Variants in GPC5 observed in about 807,000 individuals in gnomAD.
GPC5 encodes glypican 5, also known as glypican-5.
In GPC5, 47 loss-of-function variants were observed where a neutral mutation model predicts 53.9. The ratio of observed to expected loss-of-function variants is 0.87; its 90% confidence interval spans 0.69 to 1.11. The LOEUF (loss-of-function observed/expected upper bound fraction) is 1.11, where lower values mean the gene tolerates loss of function less well. Among genes scored for constraint, GPC5 ranks in the 50% most tolerant of loss-of-function variants. The probability of loss-of-function intolerance (pLI) is 0.00; values close to 1 mark genes in which losing one functional copy is unlikely to be tolerated. For missense variants in GPC5, 748 were observed against 713.1 expected, an observed-to-expected ratio of 1.05 and a Z score of -0.56; for synonymous variants, 286 against 263.3, an observed-to-expected ratio of 1.09 and a Z score of -0.84.
chr13:92,841,289 C>T (rs553718420), intron 7 of GPC5, among the ~76,000 whole-genome samples: 76 of 152,006 alleles, frequency 5.0e-4, no homozygotes, highest in Non-Finnish European at 1.1e-3. Context: ...GCCAGTAGAC[C>T]TAGTTTTAAA....
intron 2 of GPC5, among the ~76,000 whole-genome samples, chr13:91,623,227 G>C (rs1295589596): frequency 6.6e-6 from 1 of 152,132 alleles, no homozygotes; most frequent in African/African-American, 2.4e-5. Flanking sequence ...ATAATCTAGA[G>C]CTAAATGTAC....
intron 7 of GPC5, among the ~76,000 whole-genome samples, chr13:92,677,890 C>A (rs776840409): frequency 2.0e-5 from 3 of 151,988 alleles, no homozygotes; most frequent in Non-Finnish European, 2.9e-5. Context: ...TCGGTGGGTC[C>A]CATAGGGTTG....
chr13:92,095,874 C>A (rs909832279), intron 6 of GPC5, among the ~76,000 whole-genome samples: 1 of 152,174 alleles, frequency 6.6e-6, no homozygotes, highest in Non-Finnish European at 1.5e-5. Flanking sequence ...AATTGGTATT[C>A]ACAGAACTCT....
rs375619354 is a variant in GPC5 at position 92,449,470 on chromosome 13, A to G, written c.1561+304481A>G. On this transcript the variant is annotated intron_variant, in intron 7 of 7. Coordinates refer to ENST00000377067, the MANE Select transcript of GPC5 (RefSeq NM_004466.6). ...TATTATCTATACTTTATGTTTAAAT[A>G]TGAGTGTTTATTAATGTAAATCAAA... 1.1e-4 allele frequency among the ~76,000 whole-genome samples: 17 copies of G among 152,282 alleles called. No individual in the cohort carries two copies. The East Asian group carries it at 3.3e-3, about 29-fold the overall frequency.
chr13:91,867,940 G>A (rs1471841230), intron 5 of GPC5, among the ~76,000 whole-genome samples: 4 of 151,934 alleles, frequency 2.6e-5, no homozygotes, highest in Admixed American at 6.6e-5. Flanking sequence ...AAGGGGACAT[G>A]GCTAAATTTC....
In GPC5 at chr13:91,573,348, G is replaced by A. The variant is rs1168540463; in HGVS notation, c.326-119839G>A. On this transcript the variant is annotated intron_variant, in intron 2 of 7. Transcript: ENST00000377067. ...TTTTAAGTGTTTTAGTATGGCATACGCATACATGCAACTTGCTGAGAATCG... is the reference window on the plus strand; with the variant it reads ...TTTTAAGTGTTTTAGTATGGCATACACATACATGCAACTTGCTGAGAATCG... Among the ~76,000 whole-genome samples, 5 of 152,104 alleles carry A rather than the reference G, an allele frequency of 3.3e-5. 1 individual carries two copies. The highest frequency in any genetic ancestry group is 2.1e-4 in the South Asian group (1 of 4,820).
intron 2 of GPC5, among the ~76,000 whole-genome samples, chr13:91,564,856 G>A (rs2031453786): frequency 1.3e-5 from 2 of 151,842 alleles, no homozygotes; most frequent in African/African-American, 4.8e-5. Flanking sequence ...ATACTGTATA[G>A]TAACACAAAC....
At chr13:91,817,130 T>C (rs1342676344) in intron 5 of GPC5, among the ~76,000 whole-genome samples, 2 of 152,220 alleles carry the variant, frequency 1.3e-5, no homozygotes, top group African/African-American at 4.8e-5. Context: ...ATCACATACC[T>C]AGTCCATTTT....
chr13:91,817,929 C>A (rs1330817107), intron 5 of GPC5, among the ~76,000 whole-genome samples: 7 of 151,846 alleles, frequency 4.6e-5, no homozygotes, highest in African/African-American at 1.7e-4. Flanking sequence ...TTAAAAACAA[C>A]TATAATTGGA....
chr13:92,238,003 C>T (rs2042582695), intron 7 of GPC5, among the ~76,000 whole-genome samples: 1 of 151,936 alleles, frequency 6.6e-6, no homozygotes, highest in African/African-American at 2.4e-5. Context: ...CGTACATTCT[C>T]ATTTTTATGG....
At chr13:92,814,574 T>G (rs1877401636) in intron 7 of GPC5, among the ~76,000 whole-genome samples, 1 of 150,810 alleles carries the variant, frequency 6.6e-6, no homozygotes. Flanking sequence ...GGCAGGAAAA[T>G]CACTTTAACC....
chr13:92,428,866 TG>T (rs781492961), intron 7 of GPC5, among the ~76,000 whole-genome samples: 2 of 152,068 alleles, frequency 1.3e-5, no homozygotes, highest in Non-Finnish European at 2.9e-5. Context: ...TGGAGAAGTC[TG>T]GCAAATCTCT....
chr13:92,850,507 G>A (rs542075425), intron 7 of GPC5, among the ~76,000 whole-genome samples: 86 of 152,272 alleles, frequency 5.6e-4, no homozygotes, highest in African/African-American at 2.0e-3. Context: ...GCTGAGACAG[G>A]AGAATCGCTG....
At chr13:91,731,676 C>T (rs2036701491) in intron 4 of GPC5, among the ~76,000 whole-genome samples, 1 of 152,092 alleles carries the variant, frequency 6.6e-6, no homozygotes, top group African/African-American at 2.4e-5. Context: ...CATGCTCTCC[C>T]TCTCCTTGCT....
chr13:92,780,091 A>G (rs1875964034), intron 7 of GPC5, among the ~76,000 whole-genome samples: 2 of 152,078 alleles, frequency 1.3e-5, no homozygotes, highest in African/African-American at 4.8e-5. Context: ...GTGGACCATA[A>G]TATTCCAGTC....
chr13:91,639,970 C>G (rs186703458), intron 2 of GPC5, among the ~76,000 whole-genome samples: 39 of 151,908 alleles, frequency 2.6e-4, no homozygotes, highest in African/African-American at 8.9e-4. Flanking sequence ...GTTTTATTCA[C>G]TATGTCAAGT....
chr13:91,591,691 A>G (rs1285445788), intron 2 of GPC5, among the ~76,000 whole-genome samples: 1 of 152,092 alleles, frequency 6.6e-6, no homozygotes, highest in Non-Finnish European at 1.5e-5. Context: ...CTCATTTTTC[A>G]AGCTCTGAGA....
At chr13:92,062,320 T>C (rs1046926639) in intron 6 of GPC5, among the ~76,000 whole-genome samples, 1 of 152,002 alleles carries the variant, frequency 6.6e-6, no homozygotes, top group Non-Finnish European at 1.5e-5. Context: ...TAAGAAATAC[T>C]GTTCTTACAT....
At chr13:92,024,245 TTTTC>T (rs2040783061) in intron 6 of GPC5, among the ~76,000 whole-genome samples, 1 of 152,130 alleles carries the variant, frequency 6.6e-6, no homozygotes, top group African/African-American at 2.4e-5. Flanking sequence ...TGTAGGAAAC[TTTTC>T]TTTTTGTTTT....
Sources: allele counts gnomAD v4.1 joint callset (sites outside exome capture counted in the v4.1 genomes callset), GRCh38; gene constraint gnomAD v4.1.1; transcripts MANE v1.5; gene names NCBI Gene and HGNC (gene_info 2026-07-23, HGNC 2026-07-21).